The following JPH2 variants were observed in gnomAD, a reference collection of about 807,000 sequenced individuals.
The protein encoded by JPH2 is junctophilin-2.
JPH2 carries 38 observed loss-of-function variants against 55.9 expected under a neutral mutation model. That is an observed-to-expected ratio of 0.68 (90% CI 0.52 to 0.89). The LOEUF is 0.89. Ranked by LOEUF, JPH2 falls within the 40% of genes least tolerant of loss-of-function variation. The pLI is 0.00. For synonymous variants in JPH2, 480 were observed against 472.4 expected (o/e 1.02, Z -0.21); for missense variants, 964 against 1,037.6 (o/e 0.93, Z 0.97).
chr20:44,184,136 G>A (rs879508967), intron 1 of JPH2, among the ~76,000 whole-genome samples: 17 of 152,140 alleles, frequency 1.1e-4, no homozygotes, highest in Admixed American at 2.0e-4. Flanking sequence ...CAGCCTGGGC[G>A]ACAGAGTAAG....
In JPH2 at chr20:44,159,894, T is replaced by C; in HGVS notation, c.893A>G (p.Asp298Gly). The change falls in exon 2 of 6, where the codon GAC (aspartate) becomes GGC (glycine). Residue 298 changes from aspartate to glycine, a missense_variant. By Grantham distance (94) the Asp-to-Gly change is moderately conservative. Coordinates refer to ENST00000372980, the MANE Select transcript of JPH2 (RefSeq NM_020433.5). The surrounding 1 kb of genome is among the most constrained non-coding windows in gnomAD (Gnocchi z 5.7). ...TETYMGEWKN[D>G]KRSGFGVSER... Reference sequence around the variant, plus strand: ...GCTCACGCCGAAGCCCGAGCGTTTGTCGTTCTTCCACTCGCCCATGTAGGT... The same window carrying C: ...GCTCACGCCGAAGCCCGAGCGTTTGCCGTTCTTCCACTCGCCCATGTAGGT... 1 of 1,613,294 alleles carries C rather than the reference T, an allele frequency of 6.2e-7. No individual in the cohort carries two copies. Among genetic ancestry groups the C allele is most frequent in the Non-Finnish European group, 8.5e-7 (1 of 1,179,812 alleles).
chr20:44,130,629 A>C (rs1429862056), intron 2 of JPH2, among the ~76,000 whole-genome samples: 1 of 152,250 alleles, frequency 6.6e-6, no homozygotes, highest in Non-Finnish European at 1.5e-5. Flanking sequence ...CTTTCACTGC[A>C]TGAGCTGACA....
At chr20:44,114,657 G>T (rs1451596526) in intron 5 of JPH2, 125 bp downstream of exon 5, 2 of 689,908 alleles carry the variant, frequency 2.9e-6, no homozygotes, top group Non-Finnish European at 5.2e-6. Flanking sequence ...GCAGGTGGGT[G>T]GGCCTCAATT....
At position 44,115,679 on chromosome 20, in the gene JPH2, C is replaced by T. The variant is rs1421822880; in HGVS notation, c.1996G>A (p.Val666Met). 6.2e-7 allele frequency: 1 copy of T among 1,612,864 alleles called. No homozygotes were observed. The highest frequency in any genetic ancestry group is 8.5e-7 in the Non-Finnish European group (1 of 1,180,018). Residue 666 changes from valine (V) to methionine (M), a missense_variant, in exon 4 of 6, where the codon GTG (valine) becomes ATG (methionine). Transcript: ENST00000372980. ...GACAGCCTCACCTCTTCCACCTCCA[C>T]CTCCGCCTCTGCCGCCAGTGCGGCC... is the stretch of plus-strand genomic sequence containing the variant. ...KEAALAAEAE[V>M]EVEEVPNTIL...
At chr20:44,142,397 G>A (rs2072463976) in intron 2 of JPH2, among the ~76,000 whole-genome samples, 1 of 152,010 alleles carries the variant, frequency 6.6e-6, no homozygotes, top group African/African-American at 2.4e-5. Flanking sequence ...GCCTCCCCAC[G>A]CTCTCTCCGG....
In JPH2 at chr20:44,134,835, AAAT is replaced by A. The variant is rs1266812640; in HGVS notation, c.1170-16215_1170-16213del. ...TATATAAATATTTATAAATATACATAAATATATGTTTATTATAAATATATATAT... is the reference window on the plus strand; with the variant it reads ...TATATAAATATTTATAAATATACATAATATGTTTATTATAAATATATATAT... On this transcript the variant is annotated intron_variant, in intron 2 of 5. Transcript: ENST00000372980. Among the ~76,000 whole-genome samples the A allele has an allele frequency of 9.7e-4, 80 of 82,414 alleles. 1 individual carries two copies. The highest frequency in any genetic ancestry group is 0.013 in the Middle Eastern group (2 of 158). The allele number at this position is 82,414 out of a possible 152,430, so 54.1% of individuals were successfully genotyped here.
chr20:44,144,658 G>A (rs1044356344), intron 2 of JPH2, among the ~76,000 whole-genome samples: 6 of 152,192 alleles, frequency 3.9e-5, no homozygotes, highest in African/African-American at 7.2e-5. Flanking sequence ...CCTCCCCACC[G>A]TGGTGAAGAT....
In JPH2 at chr20:44,119,830, C is replaced by A. The variant is rs527394221; in HGVS notation, c.1170-1207G>T. On this transcript the variant is annotated intron_variant, in intron 2 of 5. Coordinates refer to ENST00000372980, the MANE Select transcript of JPH2 (RefSeq NM_020433.5). Reference sequence around the variant, plus strand: ...CGGAGCTTGCAGTGAGCCGAGATTGCGCCAGTGCATTCCAGCCTGGGCAAC... The same window carrying A: ...CGGAGCTTGCAGTGAGCCGAGATTGAGCCAGTGCATTCCAGCCTGGGCAAC... Among the ~76,000 whole-genome samples the A allele has an allele frequency of 4.1e-5, 6 of 147,088 alleles. No homozygotes were observed. The South Asian group carries it at 1.1e-3, about 26-fold the overall frequency.
chr20:44,128,570 AAT>A (rs1309922920), intron 2 of JPH2, among the ~76,000 whole-genome samples: 2 of 152,078 alleles, frequency 1.3e-5, no homozygotes, highest in Middle Eastern at 3.4e-3. Context: ...TATAAATATT[AAT>A]ATAAGACATA....
chr20:44,152,702 C>T (rs1168770106), intron 2 of JPH2, among the ~76,000 whole-genome samples: 1 of 152,214 alleles, frequency 6.6e-6, no homozygotes, highest in Non-Finnish European at 1.5e-5. Context: ...ACCTGTGTCC[C>T]CCATGGTGTG....
intron 1 of JPH2, among the ~76,000 whole-genome samples, chr20:44,161,131 G>C (rs553040842): frequency 5.5e-4 from 84 of 152,258 alleles, no homozygotes; most frequent in African/African-American, 1.8e-3. Context: ...GCACAGTGGG[G>C]TGAGTGCCTG....
Position 44,118,542 on chromosome 20 carries a change from A to C in JPH2, c.1251T>G (p.Thr417=), listed in dbSNP as rs1336473590. The C allele has an allele frequency of 2.5e-6, 4 of 1,613,380 alleles. No homozygotes were observed. The South Asian group carries it at 3.3e-5, about 13-fold the overall frequency. Residue 417 remains threonine (T), a synonymous_variant, in exon 3 of 6, where the codon ACT becomes ACG. Transcript: ENST00000372980. ...AANQESNIAR[T]LARELAPDFY... is the part of the protein sequence containing the mutation. Reference sequence around the variant, plus strand: ...AGTCCGGAGCCAGCTCCCTGGCCAAAGTGCGAGCAATGTTGGACTCCTGGT... The same window carrying C: ...AGTCCGGAGCCAGCTCCCTGGCCAACGTGCGAGCAATGTTGGACTCCTGGT...
At chr20:44,134,709 A>ATT (rs1555855921) in intron 2 of JPH2, among the ~76,000 whole-genome samples, 1 of 49,218 alleles carries the variant, frequency 2.0e-5, no homozygotes, top group African/African-American at 1.1e-4. Flanking sequence ...ACATTAATAT[A>ATT]TATTATAAAT....
At chr20:44,130,771 A>T (rs2072312202) in intron 2 of JPH2, among the ~76,000 whole-genome samples, 1 of 152,224 alleles carries the variant, frequency 6.6e-6, no homozygotes, top group Admixed American at 6.5e-5. Context: ...TGCAATAGCT[A>T]TTTTAGCTTT....
At chr20:44,170,563 C>T (rs1024775806) in intron 1 of JPH2, among the ~76,000 whole-genome samples, 1 of 152,172 alleles carries the variant, frequency 6.6e-6, no homozygotes, top group Non-Finnish European at 1.5e-5. Flanking sequence ...ACCAGAAATG[C>T]TCACTGTGGT....
At chr20:44,121,832 A>T (rs1466971528) in intron 2 of JPH2, among the ~76,000 whole-genome samples, 2 of 143,864 alleles carry the variant, frequency 1.4e-5, no homozygotes, top group Non-Finnish European at 3.1e-5. Flanking sequence ...ACTAACAATT[A>T]AAAAAAAAAA....
At chr20:44,176,906 G>C in intron 1 of JPH2, 1 of 985,276 alleles carries the variant, frequency 1.0e-6, no homozygotes, top group Non-Finnish European at 1.2e-6. Flanking sequence ...GCTGCATGCA[G>C]CTGTCCAGCC....
intron 3 of JPH2, among the ~76,000 whole-genome samples, chr20:44,117,234 G>A (rs558813615): frequency 4.6e-5 from 7 of 152,286 alleles, no homozygotes; most frequent in Middle Eastern, 3.4e-3. Context: ...AGCTGAGATC[G>A]CGCCACTGCA....
chr20:44,164,424 T>C (rs1256382678), intron 1 of JPH2, among the ~76,000 whole-genome samples: 1 of 152,140 alleles, frequency 6.6e-6, no homozygotes, highest in African/African-American at 2.4e-5. Context: ...CCAGGGGTCT[T>C]TTGAGGATTA....
Sources: gnomAD v4.1 joint callset for allele counts (sites outside exome capture counted in the v4.1 genomes callset) on GRCh38, gnomAD v4.1.1 for gene constraint, Gnocchi (gnomAD v3.1) non-coding constraint, MANE v1.5 for transcripts, NCBI Gene and HGNC (gene_info 2026-07-23, HGNC 2026-07-21) for gene names.